Variants in RSPH6A observed in about 807,000 individuals in gnomAD.
The protein encoded by RSPH6A is radial spoke head protein 6 homolog A.
RSPH6A carries 49 observed loss-of-function variants against 66.1 expected under a neutral mutation model. The observed-to-expected ratio is 0.74, with a 90% CI of 0.59 to 0.94. The LOEUF is 0.94. Ranked by LOEUF, RSPH6A falls within the 40% of genes least tolerant of loss-of-function variation. RSPH6A has a pLI of 0.00. For missense variants in RSPH6A, 977 were observed against 948.3 expected (o/e 1.03, Z -0.40); for synonymous variants, 419 against 402.4 (o/e 1.04, Z -0.49).
At chr19:45,813,410 C>G (rs983174370) in intron 1 of RSPH6A, among the ~76,000 whole-genome samples, 2 of 152,102 alleles carry the variant, frequency 1.3e-5, no homozygotes, top group African/African-American at 4.8e-5. Flanking sequence ...GTGGCACGAT[C>G]TCGGCTCACT....
chr19:45,801,558 C>T (rs773721476), intron 4 of RSPH6A, among the ~76,000 whole-genome samples: 3 of 152,104 alleles, frequency 2.0e-5, no homozygotes, highest in African/African-American at 4.8e-5. Context: ...GCCAGGAGTT[C>T]GAGATCAGCC....
chr19:45,810,535 G>A (rs1600479320), intron 2 of RSPH6A, 68 bp downstream of exon 2: 5 of 1,433,400 alleles, frequency 3.5e-6, no homozygotes, highest in Non-Finnish European at 4.9e-6. Flanking sequence ...CTTGGCACAG[G>A]CTGTGCCCTA....
intron 4 of RSPH6A, 124 bp from the exon 5 acceptor site, chr19:45,800,687 C>G (rs753378112): frequency 4.0e-5 from 25 of 629,696 alleles, no homozygotes; most frequent in African/African-American, 1.1e-4. Flanking sequence ...GGAACTATAG[C>G]CACCAACAGC....
chr19:45,814,911 GATGGGTACTCC>G lies in RSPH6A; in HGVS notation c.255_265del (p.Met85IlefsTer17). 1.2e-6 allele frequency: 2 copies of G among 1,614,178 alleles called. No individual in the cohort carries two copies. Among genetic ancestry groups the G allele is most frequent in the Middle Eastern group, 3.3e-4 (2 of 6,062 alleles). On this transcript the variant is annotated frameshift_variant, in exon 1 of 6. Coordinates refer to ENST00000221538, the MANE Select transcript of RSPH6A (RefSeq NM_030785.4). LOFTEE classifies it high-confidence loss of function. ...CTCTGAGGGAAAGCCCGTGTTCACAGATGGGTACTCCATGCCACCCAGCCGGGCTTCCTCAG... is the reference window on the plus strand; with the variant it reads ...CTCTGAGGGAAAGCCCGTGTTCACAGATGCCACCCAGCCGGGCTTCCTCAG...
chr19:45,802,931 CCAAG>C (rs1970491288), intron 3 of RSPH6A, among the ~76,000 whole-genome samples: 1 of 151,282 alleles, frequency 6.6e-6, no homozygotes, highest in Non-Finnish European at 1.5e-5. Context: ...CCTCAGCCTC[CCAAG>C]CAGTGGCTTA....
chr19:45,808,938 A>T (rs1970583539), intron 2 of RSPH6A, among the ~76,000 whole-genome samples: 1 of 150,408 alleles, frequency 6.6e-6, no homozygotes, highest in Non-Finnish European at 1.5e-5. Context: ...AAGTGCTGGG[A>T]TTATAGGCGT....
chr19:45,797,815 C>G (rs1181066873), intron 5 of RSPH6A, among the ~76,000 whole-genome samples: 2 of 151,974 alleles, frequency 1.3e-5, no homozygotes, highest in Non-Finnish European at 2.9e-5. Flanking sequence ...TTGCAGTGAG[C>G]TGAGATCACA....
chr19:45,804,640 C>T lies in RSPH6A; in HGVS notation c.1265G>A (p.Gly422Asp). Residue 422 changes from glycine to aspartate, a missense_variant, in exon 3 of 6, where the codon GGC becomes GAC. By Grantham distance (94) the Gly-to-Asp change is moderately conservative. Transcript: ENST00000221538. The surrounding 1 kb of genome is among the most constrained non-coding windows in gnomAD (Gnocchi z 5.8). ...CACAAAGTACAGGTACTTGTTGGCG[C>T]CTGAGCGGCTCTCCTCCTTGGGGAT... The part of the protein sequence containing the change: ...PVIPKEESRS[G>D]ANKYLYFVCN... 6.2e-7 allele frequency: 1 copy of T among 1,614,144 alleles called. No individual in the cohort carries two copies. The highest frequency in any genetic ancestry group is 8.5e-7 in the Non-Finnish European group (1 of 1,180,034).
chr19:45,815,179 T>C lies in RSPH6A; in HGVS notation c.-3A>G. 1 of 1,594,040 alleles carries C rather than the reference T, an allele frequency of 6.3e-7. No individual in the cohort carries two copies. Among genetic ancestry groups the C allele is most frequent in the Non-Finnish European group, 8.5e-7 (1 of 1,174,032 alleles). On this transcript the variant is annotated 5_prime_UTR_variant, in exon 1 of 6. Coordinates refer to ENST00000221538, the MANE Select transcript of RSPH6A (RefSeq NM_030785.4). ...GGGTAGGGCGGCAGGTCTCCCATGG[T>C]TCGCCAGGAGGCACAGATCTCTAGG... is the stretch of plus-strand genomic sequence containing the variant.
At position 45,802,220 on chromosome 19, in the gene RSPH6A, C is replaced by A; in HGVS notation, c.1698G>T (p.Glu566Asp). Residue 566 changes from glutamate to aspartate, a missense_variant, in exon 4 of 6, where the codon GAG (glutamate) becomes GAT (aspartate). Transcript: ENST00000221538. ...TCTCTTCCTCCTCCCCCAGGTCCTCCTCCTCCTCTGTCTTCTGCAAAGGGT... is the reference window on the plus strand; with the variant it reads ...TCTCTTCCTCCTCCCCCAGGTCCTCATCCTCCTCTGTCTTCTGCAAAGGGT... ...WVNPLQKTEE[E>D]EDLGEEEEKA... 6.5e-7 allele frequency: 1 copy of A among 1,545,648 alleles called. No homozygotes were observed. Among genetic ancestry groups the A allele is most frequent in the Admixed American group, 1.9e-5 (1 of 53,432 alleles).
rs142597031 is a variant in RSPH6A at position 45,804,809 on chromosome 19, C to T, written c.1096G>A (p.Glu366Lys). The change falls in exon 3 of 6, where the codon GAG becomes AAG. Residue 366 changes from glutamate (E) to lysine (K), a missense_variant. Transcript: ENST00000221538. This position sits in a 1 kb window ranked among gnomAD's most constrained non-coding sequence, Gnocchi z 5.8. ...LVAEVEFREG[E>K]EEAEEEEVEE... ...ACCTCCTCCTCCTCTGCCTCCTCCT[C>T]GCCCTCCCGGAATTCCACCTCGGCC... 1.9e-5 allele frequency: 30 copies of T among 1,613,988 alleles called. No individual in the cohort carries two copies. Among genetic ancestry groups the T allele is most frequent in the Non-Finnish European group, 1.0e-5 (12 of 1,180,002 alleles).
intron 2 of RSPH6A, among the ~76,000 whole-genome samples, chr19:45,805,833 C>T (rs902001326): frequency 3.9e-5 from 6 of 152,062 alleles, no homozygotes; most frequent in African/African-American, 1.4e-4. Context: ...GAAAACCACA[C>T]TAGGAGAAAA....
intron 5 of RSPH6A, 117 bp downstream of exon 5, chr19:45,800,329 G>A (rs1004058660): frequency 1.3e-5 from 11 of 841,734 alleles, no homozygotes; most frequent in Non-Finnish European, 2.1e-5. Context: ...TAGTCCTTGG[G>A]GCTTCCTGAA....
intron 1 of RSPH6A, among the ~76,000 whole-genome samples, chr19:45,811,291 C>T (rs544800826): frequency 4.6e-5 from 7 of 151,770 alleles, no homozygotes; most frequent in East Asian, 2.0e-4. Context: ...CGCGCCTTGC[C>T]GACATTCTTA....
chr19:45,814,189 G>A (rs957504105), intron 1 of RSPH6A, among the ~76,000 whole-genome samples: 1 of 151,958 alleles, frequency 6.6e-6, no homozygotes, highest in Non-Finnish European at 1.5e-5. Flanking sequence ...GGCTTGGGGA[G>A]CCAAATCACG....
In RSPH6A at chr19:45,804,215, C is replaced by T. The variant is rs763375469; in HGVS notation, c.1653+37G>A. The T allele has an allele frequency of 2.6e-6, 4 of 1,554,134 alleles. No individual in the cohort carries two copies. Among genetic ancestry groups the T allele is most frequent in the Admixed American group, 3.5e-5 (2 of 57,818 alleles). On this transcript the variant is annotated intron_variant, in intron 3 of 5. Transcript: ENST00000221538. This position sits in a 1 kb window ranked among gnomAD's most constrained non-coding sequence, Gnocchi z 5.8. ...CAGGGTCATGCGTGAGCCCCCTGCTCCTGCCGTTTGTGAGAGGCGGGAGTC... is the reference window on the plus strand; with the variant it reads ...CAGGGTCATGCGTGAGCCCCCTGCTTCTGCCGTTTGTGAGAGGCGGGAGTC...
chr19:45,810,713 G>A lies in RSPH6A; in HGVS notation c.778C>T (p.Arg260Trp), dbSNP rs544760714. The A allele has an allele frequency of 4.4e-5, 71 of 1,613,884 alleles. No homozygotes were observed. The highest frequency in any genetic ancestry group is 4.4e-4 in the South Asian group (40 of 91,034). ...GTGGGCTGCATCTCGGGGTCGTCCCGCAGCGTGTCCAGCTTGGGGTGGAAC... is the reference window on the plus strand; with the variant it reads ...GTGGGCTGCATCTCGGGGTCGTCCCACAGCGTGTCCAGCTTGGGGTGGAAC... ...EWFHPKLDTLRDDPEMQPTYK... is the reference protein window; with the variant it reads ...EWFHPKLDTLWDDPEMQPTYK... The change falls in exon 2 of 6, where the codon CGG becomes TGG. Residue 260 changes from arginine (R) to tryptophan (W), a missense_variant. Physicochemically the swap from Arg to Trp is moderately radical, Grantham distance 101. Transcript: ENST00000221538.
At chr19:45,798,221 C>T (rs8108474) in intron 5 of RSPH6A, among the ~76,000 whole-genome samples, 58,738 of 151,382 alleles carry the variant, frequency 0.39, 11,969 homozygotes, top group African/African-American at 0.52. Flanking sequence ...TAGCTGGGCA[C>T]GGTAGTGCAT....
intron 4 of RSPH6A, among the ~76,000 whole-genome samples, chr19:45,801,056 C>T (rs951175206): frequency 2.6e-5 from 4 of 152,160 alleles, no homozygotes; most frequent in South Asian, 2.1e-4. Context: ...CCTCAGCCCC[C>T]CAAAGTGCTG....
Sources: allele counts gnomAD v4.1 joint callset (sites outside exome capture counted in the v4.1 genomes callset), GRCh38; gene constraint gnomAD v4.1.1; non-coding constraint Gnocchi (gnomAD v3.1); transcripts MANE v1.5; gene names NCBI Gene and HGNC (gene_info 2026-07-23, HGNC 2026-07-21).